C7: variants seen among roughly 807,000 people sequenced by gnomAD.
C7 encodes the protein complement C7.
Under a neutral mutation model 104.8 loss-of-function variants are expected in C7, and 83 were observed. The observed-to-expected ratio is 0.79, with a 90% CI of 0.66 to 0.95. C7 has a LOEUF of 0.95. Ranked by LOEUF, C7 falls within the 40% of genes least tolerant of loss-of-function variation. The probability of loss-of-function intolerance (pLI) is 0.00; values close to 1 mark genes in which losing one functional copy is unlikely to be tolerated. For synonymous variants in C7, 415 were observed against 360.6 expected (o/e 1.15, Z -1.71); for missense variants, 1,070 against 1,011.2 (o/e 1.06, Z -0.79).
chr5:40,954,336 A>G (rs1310037769), intron 9 of C7, among the ~76,000 whole-genome samples: 3 of 152,160 alleles, frequency 2.0e-5, no homozygotes, highest in Non-Finnish European at 4.4e-5. Flanking sequence ...ATATGTACAT[A>G]TAATATTGAT....
Position 40,949,791 on chromosome 5 carries a change from C to G in C7, c.983-113C>G, listed in dbSNP as rs976708862. On this transcript the variant is annotated intron_variant, in intron 8 of 17. Transcript: ENST00000313164. Reference sequence around the variant, plus strand: ...TTGAAAATGTTCATATCATGTCACTCTTGATTAGATGGCCATAGTAGCAGC... The same window carrying G: ...TTGAAAATGTTCATATCATGTCACTGTTGATTAGATGGCCATAGTAGCAGC... 5 of 692,344 alleles carry G rather than the reference C, an allele frequency of 7.2e-6. No individual in the cohort carries two copies. The African/African-American group carries it at 9.0e-5, about 12-fold the overall frequency. 42.9% of individuals were successfully genotyped at this position (692,344 alleles called of 1,614,324 possible). A position where few individuals can be genotyped will look rare whatever the true frequency, so the allele number is the denominator to read the frequency against.
intron 1 of C7, among the ~76,000 whole-genome samples, chr5:40,924,715 C>T (rs1377479606): frequency 6.6e-6 from 1 of 152,200 alleles, no homozygotes; most frequent in Non-Finnish European, 1.5e-5. Flanking sequence ...GCCTATGAGC[C>T]TAATACCACA....
intron 1 of C7, among the ~76,000 whole-genome samples, chr5:40,910,453 G>C (rs1385890520): frequency 2.6e-5 from 4 of 152,094 alleles, no homozygotes; most frequent in African/African-American, 7.2e-5. Flanking sequence ...CCGAATCCAA[G>C]CTCGCTCATT....
At chr5:40,974,547 C>T (rs1740773027) in intron 15 of C7, among the ~76,000 whole-genome samples, 2 of 152,072 alleles carry the variant, frequency 1.3e-5, no homozygotes, top group East Asian at 3.9e-4. Context: ...TCCTGAGTAG[C>T]TGGGACTACA....
At chr5:40,919,688 A>G (rs116516626) in intron 1 of C7, among the ~76,000 whole-genome samples, 222 of 152,302 alleles carry the variant, frequency 1.5e-3, no homozygotes, top group Non-Finnish European at 2.5e-3. Context: ...ATCCACAAAT[A>G]TATGGAAATT....
At chr5:40,911,458 C>T (rs1739205785) in intron 1 of C7, among the ~76,000 whole-genome samples, 1 of 152,166 alleles carries the variant, frequency 6.6e-6, no homozygotes, top group African/African-American at 2.4e-5. Flanking sequence ...AGGGACTTCC[C>T]TCGGAGCTGG....
Position 40,917,896 on chromosome 5 carries a change from C to T in C7, c.6+8280C>T, listed in dbSNP as rs181582496. Among the ~76,000 whole-genome samples, 60 of 152,156 alleles carry T rather than the reference C, an allele frequency of 3.9e-4. No homozygotes were observed. The East Asian group carries it at 0.011, about 28-fold the overall frequency. On this transcript the variant is annotated intron_variant, in intron 1 of 17. Coordinates refer to ENST00000313164, the MANE Select transcript of C7 (RefSeq NM_000587.4). Reference sequence around the variant, plus strand: ...CACTAAAATAACTTTTCAAAGGATACACATGATGTAAATTCTGACATCAAA... The same window carrying T: ...CACTAAAATAACTTTTCAAAGGATATACATGATGTAAATTCTGACATCAAA...
chr5:40,966,993 C>G (rs2111690788), intron 14 of C7, among the ~76,000 whole-genome samples: 1 of 151,566 alleles, frequency 6.6e-6, no homozygotes, highest in African/African-American at 2.4e-5. Flanking sequence ...TAAGAAACTT[C>G]TACTTGAAGG....
At chr5:40,964,020 C>CTTTT (rs869250524) in intron 13 of C7, among the ~76,000 whole-genome samples, 2,340 of 39,840 alleles carry the variant, frequency 0.059, 392 homozygotes, top group East Asian at 0.19. Context: ...GCTCATAATA[C>CTTTT]TTTTTTTTTT....
At chr5:40,974,227 C>A (rs558763135) in intron 15 of C7, among the ~76,000 whole-genome samples, 1 of 151,950 alleles carries the variant, frequency 6.6e-6, no homozygotes, top group African/African-American at 2.4e-5. Flanking sequence ...CTACTGTCCC[C>A]GTAGTTAGTC....
chr5:40,961,663 G>T (rs1303419414), intron 12 of C7, among the ~76,000 whole-genome samples: 2 of 152,190 alleles, frequency 1.3e-5, no homozygotes, highest in Non-Finnish European at 2.9e-5. Context: ...TGGGATTACA[G>T]GCGTGAGCTG....
chr5:40,935,560 AG>A (rs1739794338), intron 4 of C7, among the ~76,000 whole-genome samples: 1 of 152,234 alleles, frequency 6.6e-6, no homozygotes, highest in Admixed American at 6.5e-5. Flanking sequence ...AGTAAGAGAT[AG>A]GTAGAGAAAA....
rs74808526 is a variant in C7 at position 40,967,770 on chromosome 5, G to A, written c.1882+2897G>A. ...CAACTTTAACAAACCCCATCCTGTG[G>A]GACAGAGACCTGCGTTTGTGGCTTG... On this transcript the variant is annotated intron_variant, in intron 14 of 17. Transcript: ENST00000313164. 1,113 of 169,282 alleles carry A rather than the reference G, an allele frequency of 6.6e-3. 7 individuals carry two copies. Among genetic ancestry groups the A allele is most frequent in the African/African-American group, 0.025 (1,060 of 41,828 alleles). 10.5% of individuals were successfully genotyped at this position (169,282 alleles called of 1,614,324 possible). A position where few individuals can be genotyped will look rare whatever the true frequency, so the allele number is the denominator to read the frequency against.
chr5:40,941,916 C>G (rs1181424380), intron 6 of C7, among the ~76,000 whole-genome samples: 2 of 152,090 alleles, frequency 1.3e-5, no homozygotes, highest in African/African-American at 4.8e-5. Flanking sequence ...GAACACTGTT[C>G]CTCTTGGAAT....
At chr5:40,979,614 G>A (rs1260643156) in intron 16 of C7, 111 bp from the exon 17 acceptor site, 3 of 632,500 alleles carry the variant, frequency 4.7e-6, no homozygotes, top group East Asian at 3.3e-5. Flanking sequence ...TTTTTTTACT[G>A]TGGGTGATAA....
intron 15 of C7, among the ~76,000 whole-genome samples, chr5:40,976,177 T>C (rs1156333058): frequency 2.0e-5 from 3 of 152,344 alleles, no homozygotes; most frequent in Non-Finnish European, 4.4e-5. Flanking sequence ...TAGACATTCA[T>C]ATGTAAGAGG....
At chr5:40,931,809 A>G (rs1434268444) in intron 3 of C7, among the ~76,000 whole-genome samples, 1 of 152,176 alleles carries the variant, frequency 6.6e-6, no homozygotes, top group Admixed American at 6.5e-5. Flanking sequence ...GCCAGGCTGG[A>G]GTGCAGTGGC....
intron 17 of C7, 147 bp downstream of exon 17, chr5:40,980,056 C>T: frequency 1.8e-6 from 1 of 547,760 alleles, no homozygotes; most frequent in Non-Finnish European, 3.0e-6. Context: ...GCACTGACCT[C>T]TCCTATACCC....
intron 13 of C7, chr5:40,964,426 G>T: frequency 5.0e-6 from 1 of 198,054 alleles, no homozygotes; most frequent in Non-Finnish European, 9.8e-6. Flanking sequence ...AAAGTTAAAG[G>T]AAAAGAAATT....
Sources: gnomAD v4.1 joint callset for allele counts (sites outside exome capture counted in the v4.1 genomes callset) on GRCh38, gnomAD v4.1.1 for gene constraint, MANE v1.5 for transcripts, NCBI Gene and HGNC (gene_info 2026-07-23, HGNC 2026-07-21) for gene names.